The following ROBO2 variants were observed in gnomAD, a reference collection of about 807,000 sequenced individuals.
The protein encoded by ROBO2 is roundabout homolog 2.
ROBO2 carries 53 observed loss-of-function variants against 160.8 expected under a neutral mutation model. The ratio of observed to expected loss-of-function variants is 0.33; its 90% CI spans 0.26 to 0.41. The LOEUF (loss-of-function observed/expected upper bound fraction) is 0.41. Ranked by LOEUF, ROBO2 falls within the 10% of genes least tolerant of loss-of-function variation. The pLI is 1.00. For missense variants in ROBO2, 1,577 were observed against 1,722.4 expected, an observed-to-expected ratio of 0.92 and a Z score of 1.49; for synonymous variants, 664 against 611.7, an observed-to-expected ratio of 1.09 and a Z score of -1.26.
At chr3:76,883,993 C>G (rs1176878540) in intron 2 of ROBO2, among the ~76,000 whole-genome samples, 1 of 152,118 alleles carries the variant, frequency 6.6e-6, no homozygotes, top group East Asian at 1.9e-4. Flanking sequence ...AGCATATTCA[C>G]AATAATTAAT....
At chr3:77,346,389 A>T (rs1026631323) in intron 2 of ROBO2, among the ~76,000 whole-genome samples, 19 of 152,128 alleles carry the variant, frequency 1.2e-4, no homozygotes, top group African/African-American at 4.3e-4. Flanking sequence ...CCCTGGGTCC[A>T]GTTTTATTAC....
intron 2 of ROBO2, among the ~76,000 whole-genome samples, chr3:77,210,744 C>G (rs2084027834): frequency 6.6e-6 from 1 of 151,756 alleles, no homozygotes; most frequent in Non-Finnish European, 1.5e-5. Flanking sequence ...CCCCTTCCCC[C>G]CACCCCACAA....
chr3:76,355,127 G>A (rs1357461732), intron 2 of ROBO2, among the ~76,000 whole-genome samples: 1 of 151,248 alleles, frequency 6.6e-6, no homozygotes, highest in African/African-American at 2.4e-5. Flanking sequence ...GGTAAGAAGC[G>A]ACTTAGTTTC....
intron 2 of ROBO2, among the ~76,000 whole-genome samples, chr3:76,619,428 A>T (rs563792350): frequency 6.6e-6 from 1 of 151,754 alleles, no homozygotes; most frequent in South Asian, 2.1e-4. Flanking sequence ...TTCTTTTCTT[A>T]CGGTGAACTT....
chr3:76,377,561 C>T (rs1053378964), intron 2 of ROBO2, among the ~76,000 whole-genome samples: 3 of 152,096 alleles, frequency 2.0e-5, no homozygotes, highest in Non-Finnish European at 2.9e-5. Context: ...CATTTTATCC[C>T]TGCTAATCTC....
chr3:77,445,322 G>A (rs2080359846), intron 2 of ROBO2, among the ~76,000 whole-genome samples: 1 of 152,088 alleles, frequency 6.6e-6, no homozygotes, highest in African/African-American at 2.4e-5. Flanking sequence ...TCAAATGAGT[G>A]TAACATTCAA....
chr3:77,560,236 T>C (rs2093276765), intron 9 of ROBO2, among the ~76,000 whole-genome samples: 1 of 152,082 alleles, frequency 6.6e-6, no homozygotes, highest in African/African-American at 2.4e-5. Context: ...TGCAGCCAAG[T>C]GCACAAGGAG....
intron 2 of ROBO2, among the ~76,000 whole-genome samples, chr3:76,915,161 C>G (rs1198019009): frequency 6.6e-6 from 1 of 152,192 alleles, no homozygotes; most frequent in East Asian, 1.9e-4. Flanking sequence ...CCCTGCCAGA[C>G]TGTAAGTTCC....
At chr3:76,626,679 T>C (rs972519301) in intron 2 of ROBO2, among the ~76,000 whole-genome samples, 1 of 152,124 alleles carries the variant, frequency 6.6e-6, no homozygotes, top group Admixed American at 6.5e-5. Context: ...CTTATTGTCA[T>C]TTAGAATCTT....
chr3:76,072,207 C>T (rs10514730), intron 2 of ROBO2, among the ~76,000 whole-genome samples: 3,189 of 150,296 alleles, frequency 0.021, 45 homozygotes, highest in East Asian at 0.081. Context: ...ATCTAATCTC[C>T]GAGGCTGGAT....
intron 2 of ROBO2, among the ~76,000 whole-genome samples, chr3:77,365,287 TGAA>T (rs1184122862): frequency 6.6e-6 from 1 of 152,170 alleles, no homozygotes; most frequent in African/African-American, 2.4e-5. Flanking sequence ...AAAGCTCCAC[TGAA>T]GGAGGGTTTA....
At chr3:76,663,128 T>C (rs1020537529) in intron 2 of ROBO2, among the ~76,000 whole-genome samples, 2 of 152,086 alleles carry the variant, frequency 1.3e-5, no homozygotes, top group Admixed American at 1.3e-4. Flanking sequence ...TTGAGAAATA[T>C]TAGAAAGAAA....
In ROBO2 at chr3:77,163,921, T is replaced by C. The variant is rs62251815; in HGVS notation, c.388+65581T>C. ...CAGACATACATACAGATAAAATTGA[T>C]ATATTCATATACACATAGAGTTCTG... On this transcript the variant is annotated intron_variant, in intron 2 of 25. Coordinates refer to ENST00000461745, the Ensembl canonical transcript of ROBO2. 2.2e-3 allele frequency among the ~76,000 whole-genome samples: 334 copies of C among 152,346 alleles called. 2 individuals carry two copies. The highest frequency in any genetic ancestry group is 4.2e-3 in the Non-Finnish European group (284 of 68,028).
chr3:76,034,074 A>C (rs1018097197), intron 2 of ROBO2, among the ~76,000 whole-genome samples: 2 of 152,208 alleles, frequency 1.3e-5, no homozygotes, highest in Non-Finnish European at 2.9e-5. Flanking sequence ...AGGGTGGCAA[A>C]CACCTTAGAA....
chr3:76,401,985 T>C (rs2077850343), intron 2 of ROBO2, among the ~76,000 whole-genome samples: 1 of 151,550 alleles, frequency 6.6e-6, no homozygotes, highest in Admixed American at 6.6e-5. Flanking sequence ...GGATAACTTC[T>C]GAATTTTTTA....
intron 2 of ROBO2, among the ~76,000 whole-genome samples, chr3:77,436,404 T>C (rs1396894661): frequency 6.6e-6 from 1 of 151,842 alleles, no homozygotes; most frequent in Non-Finnish European, 1.5e-5. Flanking sequence ...GTAATGTTGA[T>C]AGTATAGCTA....
At chr3:77,111,509 T>C (rs1429900642) in intron 2 of ROBO2, among the ~76,000 whole-genome samples, 1 of 152,254 alleles carries the variant, frequency 6.6e-6, no homozygotes, top group Non-Finnish European at 1.5e-5. Flanking sequence ...ATTTTGAGTG[T>C]CCATGATCTG....
intron 2 of ROBO2, among the ~76,000 whole-genome samples, chr3:77,212,188 T>C (rs1046062809): frequency 2.6e-5 from 4 of 152,180 alleles, no homozygotes; most frequent in Non-Finnish European, 5.9e-5. Context: ...TTCACGACAT[T>C]GATTCTTCCT....
At chr3:76,151,329 C>A (rs567027000) in intron 2 of ROBO2, among the ~76,000 whole-genome samples, 15 of 152,088 alleles carry the variant, frequency 9.9e-5, no homozygotes, top group Non-Finnish European at 2.1e-4. Flanking sequence ...TCTTTCCCCT[C>A]TAAAATGGGA....
Sources: allele counts gnomAD v4.1 joint callset (sites outside exome capture counted in the v4.1 genomes callset), GRCh38; gene constraint gnomAD v4.1.1; transcripts MANE v1.5; gene names NCBI Gene and HGNC (gene_info 2026-07-23, HGNC 2026-07-21).